TBC1D2B: variants seen among roughly 807,000 people sequenced by gnomAD.
The protein encoded by TBC1D2B is TBC1 domain family member 2B.
TBC1D2B carries 64 observed loss-of-function variants against 100.8 expected under a neutral mutation model. The observed-to-expected ratio is 0.64, with a 90% CI of 0.52 to 0.78. TBC1D2B has a LOEUF of 0.78. Ranked by LOEUF, TBC1D2B falls within the 30% of genes least tolerant of loss-of-function variation. The pLI, the probability that TBC1D2B is intolerant of heterozygous loss-of-function variation, is 0.00. For missense variants in TBC1D2B, 1,052 were observed against 1,218.4 expected (o/e 0.86, Z 2.03); for synonymous variants, 480 against 479.7 (o/e 1.00, Z -0.01).
chr15:78,034,459 G>C (rs1343756698), intron 3 of TBC1D2B: 4 of 982,262 alleles, frequency 4.1e-6, no homozygotes, highest in Non-Finnish European at 4.8e-6. Flanking sequence ...AATTTTAGGA[G>C]TTAAATTCTC....
At chr15:78,066,048 A>G (rs1439740976) in intron 1 of TBC1D2B, 1 of 470,954 alleles carries the variant, frequency 2.1e-6, no homozygotes, top group South Asian at 1.5e-5. Flanking sequence ...GGTGGTGATC[A>G]TTGCAATTCA....
chr15:78,075,735 C>A (rs933595700), intron 1 of TBC1D2B, among the ~76,000 whole-genome samples: 4 of 152,178 alleles, frequency 2.6e-5, no homozygotes, highest in African/African-American at 9.7e-5. Flanking sequence ...TTTGGGGAAA[C>A]AGGCTGTCTG....
intron 3 of TBC1D2B, among the ~76,000 whole-genome samples, chr15:78,031,706 A>G (rs771591050): frequency 2.0e-5 from 3 of 152,186 alleles, no homozygotes; most frequent in African/African-American, 7.2e-5. Context: ...TATTTCATTA[A>G]AAGTTTTAAA....
At chr15:78,013,376 T>C (rs74027709) in intron 8 of TBC1D2B, 59 bp from the exon 9 acceptor site, 42,245 of 1,457,364 alleles carry the variant, frequency 0.029, 1,132 homozygotes, top group African/African-American at 0.12. Context: ...CAAAGACCAA[T>C]GCAACAGAAA....
chr15:78,069,031 G>C (rs1039435716), intron 1 of TBC1D2B, among the ~76,000 whole-genome samples: 1 of 152,192 alleles, frequency 6.6e-6, no homozygotes, highest in Non-Finnish European at 1.5e-5. Flanking sequence ...TTAGAGGAAG[G>C]GGGTGTTACT....
Position 78,001,642 on chromosome 15 carries a change from G to A in TBC1D2B, c.2673C>T (p.Phe891=). ...ACCTAGCATCAAGGATAGTGCGAGTGAAGTAGCGGAGATACTTAAATATAG... is the reference window on the plus strand; with the variant it reads ...ACCTAGCATCAAGGATAGTGCGAGTAAAGTAGCGGAGATACTTAAATATAG... ...SMSIFKYLRY[F]TRTILDARKL... The change falls in exon 12 of 13, where the codon TTC becomes TTT. Residue 891 remains phenylalanine (F), a synonymous_variant. Coordinates refer to ENST00000300584, the MANE Select transcript of TBC1D2B (RefSeq NM_144572.2). The A allele has an allele frequency of 7.5e-6, 12 of 1,609,168 alleles. No individual in the cohort carries two copies. Among genetic ancestry groups the A allele is most frequent in the Non-Finnish European group, 1.0e-5 (12 of 1,177,770 alleles).
rs34859851 is a variant in TBC1D2B, at chr15:78,044,024, T to TAA, written c.683+874_683+875dup. On this transcript the variant is annotated intron_variant, in intron 3 of 12. Transcript: ENST00000300584. ...TGGGTAACAGAACAAGACCTTATCT[T>TAA]AAAAAAAAAAAAAAAACCCACCAAA... Among the ~76,000 whole-genome samples, 113 of 136,784 alleles carry TAA rather than the reference T, an allele frequency of 8.3e-4. 3 individuals are homozygous for TAA. Among genetic ancestry groups the TAA allele is most frequent in the East Asian group, 1.3e-3 (6 of 4,752 alleles). The allele number at this position is 136,784 out of a possible 152,430, so 89.7% of individuals were successfully genotyped here. A position where few individuals can be genotyped will look rare whatever the true frequency, so the allele number is the denominator to read the frequency against.
chr15:78,077,521 C>T lies in TBC1D2B; in HGVS notation c.132G>A (p.Leu44=). 1 of 1,522,588 alleles carries T rather than the reference C, an allele frequency of 6.6e-7. No individual in the cohort carries two copies. The highest frequency in any genetic ancestry group is 8.8e-7 in the Non-Finnish European group (1 of 1,135,340). 94.3% of individuals were successfully genotyped at this position (1,522,588 alleles called of 1,614,324 possible). A position where few individuals can be genotyped will look rare whatever the true frequency, so the allele number is the denominator to read the frequency against. ...AGCCACGCAGGGGGCCCTTGCCCGA[C>T]AGCTTCTGCAGATAGCCACACAGCC... ...PARLCGYLQK[L]SGKGPLRGYR... Residue 44 remains leucine (L), a synonymous_variant, in exon 1 of 13, where the codon CTG becomes CTA. Transcript: ENST00000300584.
Position 78,054,144 on chromosome 15 carries a change from T to G in TBC1D2B, c.404A>C (p.Gln135Pro). 6.2e-7 allele frequency: 1 copy of G among 1,613,798 alleles called. No homozygotes were observed. The highest frequency in any genetic ancestry group is 8.5e-7 in the Non-Finnish European group (1 of 1,179,814). ...QLMTYWLQELQQKRWEYCNSL... is the reference protein window; with the variant it reads ...QLMTYWLQELPQKRWEYCNSL... ...GTTACAATATTCCCATCTCTTCTGCTGAAGCTCCTGTAACCAGTAAGTCAT... is the reference window on the plus strand; with the variant it reads ...GTTACAATATTCCCATCTCTTCTGCGGAAGCTCCTGTAACCAGTAAGTCAT... The change falls in exon 2 of 13, where the codon CAG becomes CCG. Residue 135 changes from glutamine (Q) to proline (P), a missense_variant. By Grantham distance (76) the Gln-to-Pro change is moderately conservative. Transcript: ENST00000300584.
At chr15:78,077,210 G>C (rs1288880047) in intron 1 of TBC1D2B, 83 bp downstream of exon 1, 1 of 1,387,770 alleles carries the variant, frequency 7.2e-7, no homozygotes, top group South Asian at 1.6e-5. Context: ...CTTGGAGGAA[G>C]GAGGGTGGAT....
intron 1 of TBC1D2B, among the ~76,000 whole-genome samples, chr15:78,060,810 G>A (rs1038260878): frequency 1.3e-5 from 2 of 151,758 alleles, no homozygotes; most frequent in East Asian, 1.9e-4. Context: ...CCAGCTACTC[G>A]GGAGGCCGAG....
At chr15:78,066,144 C>G (rs935213444) in intron 1 of TBC1D2B, 1 of 457,524 alleles carries the variant, frequency 2.2e-6, no homozygotes, top group Non-Finnish European at 4.6e-6. Context: ...AACCCTAGCA[C>G]GTAGGGTCTG....
intron 3 of TBC1D2B, among the ~76,000 whole-genome samples, chr15:78,031,150 G>T (rs1001254098): frequency 2.6e-5 from 4 of 152,102 alleles, no homozygotes; most frequent in African/African-American, 9.7e-5. Context: ...GACTACTTAT[G>T]GATACATATA....
chr15:78,007,778 C>T (rs1362834562), intron 10 of TBC1D2B, among the ~76,000 whole-genome samples: 2 of 152,196 alleles, frequency 1.3e-5, no homozygotes, highest in Non-Finnish European at 2.9e-5. Context: ...TGAAGGGAGC[C>T]GGTGGGGTCA....
rs1322017890 is a variant in TBC1D2B at position 77,997,641 on chromosome 15, A to G, written c.*519T>C. On this transcript the variant is annotated 3_prime_UTR_variant, in exon 13 of 13. Transcript: ENST00000300584. ...TTCCTACAGTGGCCATTTCTGAACAAGGGATGTGCCTGCTTTTCTAAGGCA... is the reference window on the plus strand; with the variant it reads ...TTCCTACAGTGGCCATTTCTGAACAGGGGATGTGCCTGCTTTTCTAAGGCA... 6.6e-6 allele frequency: 1 copy of G among 152,372 alleles called. No individual in the cohort carries two copies. Among genetic ancestry groups the G allele is most frequent in the Admixed American group, 6.5e-5 (1 of 15,286 alleles). The allele number at this position is 152,372 out of a possible 1,614,324, so 9.4% of individuals were successfully genotyped here.
In TBC1D2B at chr15:77,997,371, AG is replaced by A. The variant is rs2071791284; in HGVS notation, c.*788del. 1 of 152,312 alleles carries A rather than the reference AG, an allele frequency of 6.6e-6. No homozygotes were observed. The highest frequency in any genetic ancestry group is 2.4e-5 in the African/African-American group (1 of 41,484). 9.4% of individuals were successfully genotyped at this position (152,312 alleles called of 1,614,324 possible). ...CTTGGTGAATGATTTCCACAAGTCA[AG>A]AAGGGCATTCCACAGAATCTCACAG... On this transcript the variant is annotated 3_prime_UTR_variant, in exon 13 of 13. Coordinates refer to ENST00000300584, the MANE Select transcript of TBC1D2B (RefSeq NM_144572.2).
At chr15:78,050,521 T>C (rs996352271) in intron 2 of TBC1D2B, among the ~76,000 whole-genome samples, 1 of 152,252 alleles carries the variant, frequency 6.6e-6, no homozygotes, top group Non-Finnish European at 1.5e-5. Context: ...ATGAGGCTAT[T>C]AGCCATTTAT....
rs552912401 is a variant in TBC1D2B at position 78,016,158 on chromosome 15, T to TG, written c.1775+387dup. Among the ~76,000 whole-genome samples, 579 of 152,180 alleles carry TG rather than the reference T, an allele frequency of 3.8e-3. 6 individuals are homozygous for TG. The highest frequency in any genetic ancestry group is 0.014 in the African/African-American group (563 of 41,504). On this transcript the variant is annotated intron_variant, in intron 8 of 12. Coordinates refer to ENST00000300584, the MANE Select transcript of TBC1D2B (RefSeq NM_144572.2). ...ATTTAGTGCTTTCCCCAAAAATATA[T>TG]GGGGGGTGTGTGTGTGTGTAAGCTC...
At chr15:78,057,056 T>A (rs1457335236) in intron 1 of TBC1D2B, among the ~76,000 whole-genome samples, 1 of 152,176 alleles carries the variant, frequency 6.6e-6, no homozygotes, top group African/African-American at 2.4e-5. Flanking sequence ...CTAGGGCATA[T>A]CTGAACCAAC....
Sources: allele counts gnomAD v4.1 joint callset (sites outside exome capture counted in the v4.1 genomes callset), GRCh38; gene constraint gnomAD v4.1.1; transcripts MANE v1.5; gene names NCBI Gene and HGNC (gene_info 2026-07-23, HGNC 2026-07-21).